Variants in HK1 observed in about 807,000 individuals in gnomAD.
The protein encoded by HK1 is hexokinase 1, also known as hexokinase-1.
Under a neutral mutation model 91.6 loss-of-function variants are expected in HK1, and 28 were observed. The ratio of observed to expected loss-of-function variants is 0.31; its 90% CI spans 0.23 to 0.42. The LOEUF (loss-of-function observed/expected upper bound fraction) is 0.42. HK1 is among the 10% of genes least tolerant of loss of function. The probability of loss-of-function intolerance (pLI) is 1.00; values close to 1 mark genes in which losing one functional copy is unlikely to be tolerated. For missense variants in HK1, 770 were observed against 1,219.8 expected (o/e 0.63, Z 5.49); for synonymous variants, 430 against 468.1 (o/e 0.92, Z 1.05).
chr10:69,365,054 C>A, intron 4 of HK1, 152 bp downstream of exon 4: 1 of 854,594 alleles, frequency 1.2e-6, no homozygotes, highest in Non-Finnish European at 1.9e-6. Context: ...AGTGTGGTAT[C>A]ATGATATAGT....
At chr10:69,321,625 G>A (rs1298596754) in intron 1 of HK1, among the ~76,000 whole-genome samples, 1 of 152,164 alleles carries the variant, frequency 6.6e-6, no homozygotes, top group African/African-American at 2.4e-5. Flanking sequence ...GTAGGAGAAG[G>A]GAAGCTGGGG....
intron 2 of HK1, among the ~76,000 whole-genome samples, chr10:69,350,848 A>T (rs929924140): frequency 6.6e-6 from 1 of 152,014 alleles, no homozygotes; most frequent in Non-Finnish European, 1.5e-5. Context: ...CTGAGCTTTC[A>T]CTGTCTTCAT....
chr10:69,300,792 T>C (rs1371316328), exon 5 of HK1: 47 of 1,608,310 alleles, frequency 2.9e-5, no homozygotes, highest in Non-Finnish European at 3.7e-5. Flanking sequence ...CTTGAGAGCA[T>C]CAGCCAGGAC....
At position 69,328,482 on chromosome 10, in the gene HK1, G is replaced by C. The variant is rs1283290090; in HGVS notation, c.63+9472G>C. Among the ~76,000 whole-genome samples the C allele has an allele frequency of 7.2e-5, 11 of 152,142 alleles. No individual in the cohort carries two copies. The East Asian group carries it at 2.1e-3, about 29-fold the overall frequency. ...ATTGTTGTATTCATTGCCATGTACT[G>C]TGCTAAAGGCATCGTGAGCCTTTGC... is the stretch of plus-strand genomic sequence containing the variant. On this transcript the variant is annotated intron_variant, in intron 1 of 17. Transcript: ENST00000359426.
intron 1 of HK1, among the ~76,000 whole-genome samples, chr10:69,331,610 C>T (rs1847719422): frequency 6.6e-6 from 1 of 152,228 alleles, no homozygotes; most frequent in Non-Finnish European, 1.5e-5. Flanking sequence ...CATGGTGGCT[C>T]ACACCTGTAA....
chr10:69,356,920 A>C (rs1400514420), intron 2 of HK1, among the ~76,000 whole-genome samples: 1 of 151,684 alleles, frequency 6.6e-6, no homozygotes, highest in Admixed American at 6.6e-5. Flanking sequence ...AGATAAGCCA[A>C]GTGTTTAAAA....
chr10:69,344,928 T>G (rs896785089), intron 2 of HK1, among the ~76,000 whole-genome samples: 2 of 151,876 alleles, frequency 1.3e-5, no homozygotes, highest in Non-Finnish European at 2.9e-5. Context: ...CTTGGGGTTG[T>G]GAGTACACGA....
Position 69,369,726 on chromosome 10 carries a change from C to A in HK1, c.875+102C>A. ...AAAAGGGCATAAAGCCAAGTGATCACAAACAGAAAAGCCTGTCACATTTTT... is the reference window on the plus strand; with the variant it reads ...AAAAGGGCATAAAGCCAAGTGATCAAAAACAGAAAAGCCTGTCACATTTTT... On this transcript the variant is annotated intron_variant, in intron 7 of 17. Transcript: ENST00000359426. The surrounding 1 kb of genome is among the most constrained non-coding windows in gnomAD (Gnocchi z 4.4). The A allele has an allele frequency of 1.8e-6, 2 of 1,140,960 alleles. No homozygotes were observed. Among genetic ancestry groups the A allele is most frequent in the Non-Finnish European group, 2.6e-6 (2 of 773,884 alleles). The allele number at this position is 1,140,960 out of a possible 1,614,324, so 70.7% of individuals were successfully genotyped here. A position where few individuals can be genotyped will look rare whatever the true frequency, so the allele number is the denominator to read the frequency against.
chr10:69,316,044 C>CA (rs745845180), upstream of HK1: 1 of 1,577,080 alleles, frequency 6.3e-7, no homozygotes, highest in South Asian at 1.1e-5. Context: ...GGAAGGTTGG[C>CA]AAGCTGGGCC....
chr10:69,386,486 T>C (rs528265912), intron 13 of HK1, 68 bp downstream of exon 13: 1 of 1,308,834 alleles, frequency 7.6e-7, no homozygotes, highest in East Asian at 2.5e-5. Context: ...TGTATTTGCC[T>C]GTTGTAAAGA....
intron 4 of HK1, among the ~76,000 whole-genome samples, chr10:69,296,507 A>G (rs1012423477): frequency 6.6e-6 from 1 of 152,172 alleles, no homozygotes; most frequent in African/African-American, 2.4e-5. Flanking sequence ...AATGACTGAG[A>G]AGTGAAGCTC....
intron 1 of HK1, among the ~76,000 whole-genome samples, chr10:69,339,514 A>G (rs1848189327): frequency 6.6e-6 from 1 of 152,190 alleles, no homozygotes; most frequent in African/African-American, 2.4e-5. Context: ...GAACCTGAAC[A>G]AAAGGAGGAA....
intron 1 of HK1, among the ~76,000 whole-genome samples, chr10:69,272,212 C>T (rs1235633504): frequency 6.6e-6 from 1 of 152,206 alleles, no homozygotes; most frequent in Non-Finnish European, 1.5e-5. Context: ...ATGCTGCTAG[C>T]ACTAGTGGGT....
chr10:69,308,683 C>T (rs181694286), intron 5 of HK1, among the ~76,000 whole-genome samples: 17 of 152,224 alleles, frequency 1.1e-4, no homozygotes, highest in African/African-American at 4.1e-4. Flanking sequence ...GGTTCCTGGG[C>T]GCCAGGCTAC....
chr10:69,401,087 C>A lies in HK1; in HGVS notation c.2706C>A (p.Ala902=). 6.2e-7 allele frequency: 1 copy of A among 1,614,154 alleles called. No individual in the cohort carries two copies. Among genetic ancestry groups the A allele is most frequent in the Middle Eastern group, 1.6e-4 (1 of 6,062 alleles). ...LSEDGSGKGA[A]LITAVGVRLR... is the part of the protein sequence containing the mutation. ...AGGATGGCAGCGGCAAGGGGGCCGCCCTCATCACGGCCGTGGGCGTGCGGT... is the reference window on the plus strand; with the variant it reads ...AGGATGGCAGCGGCAAGGGGGCCGCACTCATCACGGCCGTGGGCGTGCGGT... The change falls in exon 18 of 18, where the codon GCC becomes GCA. Residue 902 remains alanine (A), a synonymous_variant. Transcript: ENST00000359426.
Position 69,368,619 on chromosome 10 carries a change from C to A in HK1, c.579C>A (p.Ile193=). The A allele has an allele frequency of 6.2e-7, 1 of 1,613,678 alleles. No homozygotes were observed. The highest frequency in any genetic ancestry group is 1.3e-5 in the African/African-American group (1 of 75,060). The change falls in exon 5 of 18, where the codon ATC becomes ATA. Residue 193 remains isoleucine (I), a synonymous_variant. Coordinates refer to ENST00000359426, the MANE Select transcript of HK1 (RefSeq NM_000188.3). ...ADVVKLLNKA[I]KKRGDYDANI... ...TGGTCAAACTGCTTAACAAAGCCAT[C>A]AAAAAGCGAGGGGTAATTTCTCCTG...
intron 10 of HK1, 97 bp from the exon 11 acceptor site, chr10:69,384,236 T>G (rs1193111005): frequency 2.8e-6 from 4 of 1,430,406 alleles, no homozygotes; most frequent in Non-Finnish European, 3.0e-6. Flanking sequence ...ATGTTTGCTA[T>G]GGGGTTCTCC....
intron 9 of HK1, among the ~76,000 whole-genome samples, chr10:69,382,027 CCT>C (rs1279328733): frequency 1.3e-5 from 2 of 152,310 alleles, no homozygotes; most frequent in African/African-American, 4.8e-5. Flanking sequence ...TTCCTTTTTA[CCT>C]CTCTGCATTT....
intron 1 of HK1, among the ~76,000 whole-genome samples, chr10:69,334,898 G>A (rs140863119): frequency 6.0e-4 from 91 of 152,246 alleles, no homozygotes; most frequent in South Asian, 4.6e-3. Flanking sequence ...GGGGTGGGGC[G>A]GATCATGGCA....
Sources: gnomAD v4.1 joint callset for allele counts (sites outside exome capture counted in the v4.1 genomes callset) on GRCh38, gnomAD v4.1.1 for gene constraint, Gnocchi (gnomAD v3.1) non-coding constraint, MANE v1.5 for transcripts, NCBI Gene and HGNC (gene_info 2026-07-23, HGNC 2026-07-21) for gene names.